The following THSD4 variants were observed in gnomAD, a reference collection of about 807,000 sequenced individuals.
THSD4 encodes the protein thrombospondin type-1 domain-containing protein 4.
A neutral mutation model predicts 119.0 loss-of-function variants in THSD4; 69 were observed. The ratio of observed to expected loss-of-function variants is 0.58; its 90% CI spans 0.48 to 0.71. THSD4 has a LOEUF of 0.71. THSD4 is among the 30% of genes least tolerant of loss of function. The pLI is 0.00. For synonymous variants in THSD4, 524 were observed against 540.4 expected, an observed-to-expected ratio of 0.97 and a Z score of 0.42; for missense variants, 1,393 against 1,391.1, an observed-to-expected ratio of 1.00 and a Z score of -0.02.
At chr15:71,561,887 C>A (rs796336677) in intron 7 of THSD4, among the ~76,000 whole-genome samples, 7 of 36,998 alleles carry the variant, frequency 1.9e-4, no homozygotes, top group Non-Finnish European at 2.7e-4. Context: ...CACACACACA[C>A]ACACACACAC....
intron 6 of THSD4, among the ~76,000 whole-genome samples, chr15:71,256,927 A>C (rs2044324493): frequency 6.6e-6 from 1 of 152,216 alleles, no homozygotes. Context: ...GGCATGAGTC[A>C]GATGGATGAG....
At chr15:71,715,721 G>A (rs115011328) in intron 8 of THSD4, among the ~76,000 whole-genome samples, 339 of 151,036 alleles carry the variant, frequency 2.2e-3, no homozygotes, top group African/African-American at 7.7e-3. Context: ...ATTCCCCGAC[G>A]TCATCGCAAT....
Position 71,199,766 on chromosome 15 carries a change from GGT to G in THSD4, c.100-15261_100-15260del, listed in dbSNP as rs1352447867. The stretch of plus-strand genomic sequence containing the variant: ...GTGTGTGGGTGTGTGTGATGTGTGT[GGT>G]GTGTGTGGTGTGTGGGTGTGTGCTG... On this transcript the variant is annotated intron_variant, in intron 3 of 17. Coordinates refer to ENST00000261862, the MANE Select transcript of THSD4 (RefSeq NM_024817.3). Among the ~76,000 whole-genome samples, 122 of 111,492 alleles carry G rather than the reference GGT, an allele frequency of 1.1e-3. 1 individual carries two copies. Among genetic ancestry groups the G allele is most frequent in the African/African-American group, 4.7e-3 (114 of 24,164 alleles). 73.1% of individuals were successfully genotyped at this position (111,492 alleles called of 152,430 possible).
chr15:71,431,796 C>T (rs1207236541), intron 7 of THSD4, among the ~76,000 whole-genome samples: 1 of 152,084 alleles, frequency 6.6e-6, no homozygotes, highest in African/African-American at 2.4e-5. Flanking sequence ...AGGCAACCCT[C>T]CAGAACACCA....
At chr15:71,389,827 T>TTTTTTTTTTTTTTTTG (rs56316633) in intron 6 of THSD4, among the ~76,000 whole-genome samples, 3 of 142,996 alleles carry the variant, frequency 2.1e-5, no homozygotes, top group Admixed American at 6.9e-5. Flanking sequence ...TTTTTTTTTT[T>TTTTTTTTTTTTTTTTG]GACACAGAGT....
chr15:71,311,972 C>T (rs906902445), intron 6 of THSD4, among the ~76,000 whole-genome samples: 19 of 152,124 alleles, frequency 1.2e-4, no homozygotes, highest in Non-Finnish European at 2.2e-4. Context: ...CCCCATAGCC[C>T]GTGCTCCACA....
At chr15:71,377,698 C>T (rs570814786) in intron 6 of THSD4, among the ~76,000 whole-genome samples, 12 of 151,964 alleles carry the variant, frequency 7.9e-5, no homozygotes, top group South Asian at 2.1e-4. Context: ...GGCAGCTATT[C>T]GGGACCTAAG....
intron 6 of THSD4, among the ~76,000 whole-genome samples, chr15:71,317,073 T>C (rs1339426575): frequency 6.6e-6 from 1 of 152,216 alleles, no homozygotes; most frequent in Non-Finnish European, 1.5e-5. Context: ...AATAATAGTC[T>C]GAATAAACTG....
chr15:71,510,797 A>C (rs1238226800), intron 7 of THSD4, among the ~76,000 whole-genome samples: 1 of 152,178 alleles, frequency 6.6e-6, no homozygotes, highest in African/African-American at 2.4e-5. Context: ...TGTGAAGGAT[A>C]ATTAAAAGTC....
intron 7 of THSD4, among the ~76,000 whole-genome samples, chr15:71,578,872 CT>C: frequency 7.8e-6 from 1 of 128,724 alleles, no homozygotes; most frequent in Admixed American, 9.1e-5. Flanking sequence ...GAGACGGAGT[CT>C]TGCTGTGTCG....
At chr15:71,439,955 G>A (rs919767207) in intron 7 of THSD4, among the ~76,000 whole-genome samples, 1 of 152,116 alleles carries the variant, frequency 6.6e-6, no homozygotes, top group East Asian at 1.9e-4. Context: ...CATGGCATGT[G>A]TATACCTATG....
intron 7 of THSD4, among the ~76,000 whole-genome samples, chr15:71,557,114 T>G (rs576603205): frequency 6.6e-6 from 1 of 152,358 alleles, no homozygotes; most frequent in South Asian, 2.1e-4. Flanking sequence ...AAGTTTGCTG[T>G]AAGTTTATGC....
At chr15:71,326,690 AAAAAAAAAAAATATATATAT>A (rs1192220978) in intron 6 of THSD4, among the ~76,000 whole-genome samples, 14 of 15,052 alleles carry the variant, frequency 9.3e-4, no homozygotes, top group African/African-American at 1.9e-3. Flanking sequence ...AAAAAAAAAA[AAAAAAAAAAAATATATATAT>A]ATATATATAT....
intron 7 of THSD4, among the ~76,000 whole-genome samples, chr15:71,635,249 C>CT (rs992779968): frequency 1.3e-5 from 2 of 152,152 alleles, no homozygotes; most frequent in African/African-American, 4.8e-5. Context: ...CCCTGTGGCA[C>CT]TTACCTTGAC....
chr15:71,443,633 GT>G (rs1318167604), intron 7 of THSD4, among the ~76,000 whole-genome samples: 1 of 152,032 alleles, frequency 6.6e-6, no homozygotes, highest in African/African-American at 2.4e-5. Context: ...TCCCTTCCAG[GT>G]CCCCCTGCTG....
chr15:71,266,368 C>T (rs902101521), intron 6 of THSD4, among the ~76,000 whole-genome samples: 13 of 152,058 alleles, frequency 8.5e-5, no homozygotes, highest in Non-Finnish European at 1.9e-4. Flanking sequence ...AGCAGAGGGG[C>T]CTGACTGTTA....
chr15:71,687,827 T>C (rs1465909931), intron 8 of THSD4, among the ~76,000 whole-genome samples: 1 of 151,416 alleles, frequency 6.6e-6, no homozygotes, highest in African/African-American at 2.4e-5. Context: ...TCAAAAATAT[T>C]TGAATGCAAA....
chr15:71,658,846 G>C (rs1445285336), intron 7 of THSD4, among the ~76,000 whole-genome samples: 3 of 152,172 alleles, frequency 2.0e-5, no homozygotes, highest in African/African-American at 7.2e-5. Flanking sequence ...TGTGAAGAGA[G>C]ACCAGTCATT....
chr15:71,765,300 G>T, intron 16 of THSD4, 101 bp downstream of exon 16: 1 of 1,380,798 alleles, frequency 7.2e-7, no homozygotes, highest in South Asian at 1.6e-5. Context: ...AGCCCTGAAA[G>T]AGATTCCCTA....
Sources: allele counts gnomAD v4.1 joint callset (sites outside exome capture counted in the v4.1 genomes callset), GRCh38; gene constraint gnomAD v4.1.1; transcripts MANE v1.5; gene names NCBI Gene and HGNC (gene_info 2026-07-23, HGNC 2026-07-21).